ARK2N: variants seen among roughly 807,000 people sequenced by gnomAD.
ARK2N encodes arkadia (RNF111) N-terminal like PKA signaling regulator 2N.
At chr18:46,220,141 G>C in the ARK2N span, among the ~76,000 whole-genome samples, 1 of 152,120 alleles carries the variant, frequency 6.6e-6, no homozygotes, top group Admixed American at 6.6e-5. Flanking sequence ...TATTCACACC[G>C]AAGTTCCAAA....
chr18:46,195,158 C>G, the ARK2N span, among the ~76,000 whole-genome samples: 1 of 151,964 alleles, frequency 6.6e-6, no homozygotes, highest in East Asian at 1.9e-4. Context: ...TAATGATTCC[C>G]TGTGTACCTA....
chr18:46,228,784 T>C, the ARK2N span: 3 of 398,608 alleles, frequency 7.5e-6, no homozygotes, highest in Non-Finnish European at 1.3e-5. Context: ...TTGTTCAGGC[T>C]GGCCTCAGAC....
At chr18:46,257,127 G>T in the ARK2N span, among the ~76,000 whole-genome samples, 1 of 152,128 alleles carries the variant, frequency 6.6e-6, no homozygotes, top group Non-Finnish European at 1.5e-5. Flanking sequence ...GGATTTAGTT[G>T]TCCTGTTCTT....
At chr18:46,236,958 G>A in the ARK2N span, among the ~76,000 whole-genome samples, 653 of 151,676 alleles carry the variant, frequency 4.3e-3, 3 homozygotes, top group African/African-American at 0.015. Context: ...CCGCCTCCTG[G>A]GTTCAAGTGA....
At chr18:46,185,681 A>G in the ARK2N span, among the ~76,000 whole-genome samples, 2 of 152,126 alleles carry the variant, frequency 1.3e-5, no homozygotes, top group African/African-American at 4.8e-5. Flanking sequence ...CCTATCCTCA[A>G]TTCTTGTTTA....
the ARK2N span, among the ~76,000 whole-genome samples, chr18:46,195,991 T>C: frequency 6.6e-6 from 1 of 151,918 alleles, no homozygotes; most frequent in Non-Finnish European, 1.5e-5. Flanking sequence ...TTTTCTTTTT[T>C]TTTTTTGAGA....
chr18:46,229,476 T>C, the ARK2N span, among the ~76,000 whole-genome samples: 1 of 149,726 alleles, frequency 6.7e-6, no homozygotes, highest in African/African-American at 2.5e-5. Flanking sequence ...GCCTCCTGAG[T>C]AGCTGGGACT....
the ARK2N span, chr18:46,265,605 A>G: frequency 1.3e-5 from 2 of 152,282 alleles, no homozygotes; most frequent in African/African-American, 2.4e-5. Flanking sequence ...AAGGGATGGT[A>G]GAGATAGACA....
chr18:46,217,247 G>A, the ARK2N span: 1 of 152,390 alleles, frequency 6.6e-6, no homozygotes, highest in Non-Finnish European at 1.5e-5. Context: ...TGGTATAAGG[G>A]TCTGTAACTT....
chr18:46,245,582 AAAAAAAG>A, the ARK2N span, among the ~76,000 whole-genome samples: 1 of 151,368 alleles, frequency 6.6e-6, no homozygotes, highest in African/African-American at 2.4e-5. Flanking sequence ...ATAAAAAAAA[AAAAAAAG>A]AAAGAAAAAA....
At chr18:46,246,853 A>G in the ARK2N span, among the ~76,000 whole-genome samples, 92,986 of 151,372 alleles carry the variant, frequency 0.61, 31,107 homozygotes, top group Non-Finnish European at 0.74. Context: ...AGGTGGGAGA[A>G]TCGCTTGAAC....
chr18:46,244,515 A>G, the ARK2N span, among the ~76,000 whole-genome samples: 5 of 151,112 alleles, frequency 3.3e-5, no homozygotes, highest in Non-Finnish European at 7.4e-5. Context: ...CAGAATGGCC[A>G]TGTTTCAGAA....
chr18:46,193,740 A>C, the ARK2N span, among the ~76,000 whole-genome samples: 1 of 151,154 alleles, frequency 6.6e-6, no homozygotes, highest in Non-Finnish European at 1.5e-5. Context: ...CTGGGATTAC[A>C]AGTGCATGCC....
the ARK2N span, among the ~76,000 whole-genome samples, chr18:46,261,600 CTTTATG>C: frequency 6.6e-6 from 1 of 152,280 alleles, no homozygotes. Flanking sequence ...AGACATTGGG[CTTTATG>C]TCCCTTATTT....
the ARK2N span, among the ~76,000 whole-genome samples, chr18:46,261,619 A>G: frequency 6.6e-6 from 1 of 152,138 alleles, no homozygotes; most frequent in Non-Finnish European, 1.5e-5. Context: ...CCTTATTTTA[A>G]TGTCCCTATT....
the ARK2N span, among the ~76,000 whole-genome samples, chr18:46,195,040 G>A: frequency 1.2e-4 from 18 of 151,284 alleles, no homozygotes; most frequent in Non-Finnish European, 2.1e-4. Context: ...GGCCTCAAGT[G>A]ATTCAGCTGC....
chr18:46,217,081 A>C, the ARK2N span: 1 of 153,756 alleles, frequency 6.5e-6, no homozygotes, highest in Non-Finnish European at 1.4e-5. Context: ...CAGTAGTTTT[A>C]TGTGTTTCCC....
the ARK2N span, among the ~76,000 whole-genome samples, chr18:46,226,009 C>T: frequency 6.6e-6 from 1 of 152,092 alleles, no homozygotes; most frequent in Non-Finnish European, 1.5e-5. Context: ...TTGAGAATCT[C>T]TTAGCACTTA....
At chr18:46,259,638 C>T in the ARK2N span, among the ~76,000 whole-genome samples, 1 of 146,946 alleles carries the variant, frequency 6.8e-6, no homozygotes, top group African/African-American at 2.5e-5. Context: ...GAGACCGAGG[C>T]TCAGCCACCC....
Sources: allele counts gnomAD v4.1 joint callset (sites outside exome capture counted in the v4.1 genomes callset), GRCh38; gene constraint gnomAD v4.1.1; transcripts MANE v1.5; gene names NCBI Gene and HGNC (gene_info 2026-07-23, HGNC 2026-07-21).